The following IQSEC3 variants were observed in gnomAD, a reference collection of about 807,000 sequenced individuals.
IQSEC3 encodes IQ motif and SEC7 domain-containing protein 3.
IQSEC3 carries 50 observed loss-of-function variants against 105.4 expected under a neutral mutation model. That is an observed-to-expected ratio of 0.47 (90% CI 0.38 to 0.60). IQSEC3 has a LOEUF of 0.60. IQSEC3 is among the 20% of genes least tolerant of loss of function. IQSEC3 has a pLI of 0.00. For synonymous variants in IQSEC3, 708 were observed against 746.0 expected (o/e 0.95, Z 0.83); for missense variants, 1,415 against 1,630.0 (o/e 0.87, Z 2.27).
At position 133,461 on chromosome 12, in the gene IQSEC3, G is replaced by C. The variant is rs73603104; in HGVS notation, c.904-4806G>C. Among the ~76,000 whole-genome samples, 1,052 of 152,316 alleles carry C rather than the reference G, an allele frequency of 6.9e-3. 13 individuals are homozygous for C. Among genetic ancestry groups the C allele is most frequent in the African/African-American group, 0.024 (1,009 of 41,554 alleles). On this transcript the variant is annotated intron_variant, in intron 3 of 13. Transcript: ENST00000538872. The stretch of plus-strand genomic sequence containing the variant: ...AGGAGCCAGGAGGGAGGCTGAGGAG[G>C]CCCCTGGGGCTGAGTGACAAGCCCC...
At chr12:73,676 A>AAAAAAG (rs570849165) in intron 1 of IQSEC3, among the ~76,000 whole-genome samples, 2,712 of 151,474 alleles carry the variant, frequency 0.018, 15 homozygotes, top group Middle Eastern at 0.048. Context: ...TGACCCCAAA[A>AAAAAAG]AAAAAGAAAA....
intron 3 of IQSEC3, among the ~76,000 whole-genome samples, chr12:126,315 G>A (rs1294147360): frequency 2.0e-5 from 3 of 152,210 alleles, no homozygotes; most frequent in African/African-American, 7.2e-5. Context: ...GCACCCACAG[G>A]CACAAACGAG....
Position 138,967 on chromosome 12 carries a change from G to A in IQSEC3, c.1604G>A (p.Arg535Gln), listed in dbSNP as rs782343519. 1 of 1,549,568 alleles carries A rather than the reference G, an allele frequency of 6.5e-7. No homozygotes were observed. Among genetic ancestry groups the A allele is most frequent in the South Asian group, 1.2e-5 (1 of 85,304 alleles). Residue 535 changes from arginine (R) to glutamine (Q), a missense_variant, in exon 4 of 14, where the codon CGG becomes CAG. By Grantham distance (43) the Arg-to-Gln change is conservative (BLOSUM62 1). Coordinates refer to ENST00000538872, the MANE Select transcript of IQSEC3 (RefSeq NM_001170738.2). The surrounding 1 kb of genome is among the most constrained non-coding windows in gnomAD (Gnocchi z 7.1). ...GCCGAGCAGGGCGAGACCTCTGGGC[G>A]GGAGGCCCCGGAAGCCCCCGCCGTG... is the stretch of plus-strand genomic sequence containing the variant. ...GKAEQGETSG[R>Q]EAPEAPAVGR... is the part of the protein sequence containing the mutation.
At chr12:113,555 A>G (rs1864960819) in intron 2 of IQSEC3, among the ~76,000 whole-genome samples, 1 of 152,206 alleles carries the variant, frequency 6.6e-6, no homozygotes, top group African/African-American at 2.4e-5. Flanking sequence ...TGTGGTCACC[A>G]TGTTCCATGT....
rs115184339 is a variant in IQSEC3, at chr12:165,766, G to T, written c.2847G>T (p.Ser949=). 69 of 1,613,784 alleles carry T rather than the reference G, an allele frequency of 4.3e-5. No individual in the cohort carries two copies. The highest frequency in any genetic ancestry group is 5.3e-5 in the Non-Finnish European group (62 of 1,180,042). The change falls in exon 11 of 14, where the codon TCG becomes TCT. Residue 949 remains serine, a synonymous_variant. Coordinates refer to ENST00000538872, the MANE Select transcript of IQSEC3 (RefSeq NM_001170738.2). ...SHGITLVTPL[S]GSEKKQVLHF... is the part of the protein sequence containing the mutation. ...GCATCACACTGGTGACCCCGCTCTC[G>T]GGCTCCGAGAAGAAGCAGGTGCTGC...
intron 1 of IQSEC3, among the ~76,000 whole-genome samples, chr12:71,373 G>A (rs1328580682): frequency 1.3e-5 from 2 of 152,278 alleles, no homozygotes; most frequent in African/African-American, 4.8e-5. Flanking sequence ...TTGGAAAGAA[G>A]CAAATGGTCC....
At chr12:110,419 T>C (rs1267399549) in intron 2 of IQSEC3, among the ~76,000 whole-genome samples, 1 of 151,694 alleles carries the variant, frequency 6.6e-6, no homozygotes, top group Admixed American at 6.6e-5. Flanking sequence ...CTTCTCTTTT[T>C]ATTGTTGGAT....
rs116394670 is a variant in IQSEC3 at position 158,623 on chromosome 12, T to C, written c.2443+929T>C. ...TGCCAGTCCTTGAACTTCATCTAAA[T>C]AGAGCTATACAGTATTTATACTTTG... On this transcript the variant is annotated intron_variant, in intron 7 of 13. Transcript: ENST00000538872. Among the ~76,000 whole-genome samples, 169 of 152,374 alleles carry C rather than the reference T, an allele frequency of 1.1e-3. 1 individual carries two copies. Among genetic ancestry groups the C allele is most frequent in the African/African-American group, 3.9e-3 (164 of 41,596 alleles).
intron 3 of IQSEC3, among the ~76,000 whole-genome samples, chr12:132,740 T>C (rs1297700563): frequency 1.3e-5 from 2 of 151,898 alleles, no homozygotes; most frequent in African/African-American, 4.8e-5. Flanking sequence ...TTGGGTGAGG[T>C]AGGGAAAACA....
intron 5 of IQSEC3, 152 bp downstream of exon 5, chr12:141,437 C>A: frequency 1.3e-6 from 1 of 790,974 alleles, no homozygotes; most frequent in Non-Finnish European, 2.0e-6. Context: ...CCTCTTTAGC[C>A]CATCACCCCA....
chr12:155,549 T>C (rs1555093985), intron 5 of IQSEC3, among the ~76,000 whole-genome samples: 1 of 151,844 alleles, frequency 6.6e-6, no homozygotes, highest in Non-Finnish European at 1.5e-5. Flanking sequence ...GGAGGCGGAG[T>C]CCATGGACCA....
chr12:112,295 T>TG (rs1864916413), intron 2 of IQSEC3, among the ~76,000 whole-genome samples: 1 of 3,286 alleles, frequency 3.0e-4, no homozygotes, highest in Non-Finnish European at 5.8e-4. Flanking sequence ...AGTGGGGAAG[T>TG]GGGGGGAAGG....
In IQSEC3 at chr12:106,294, C is replaced by T. The variant is rs1350733118; in HGVS notation, c.623+7080C>T. 2.0e-5 allele frequency among the ~76,000 whole-genome samples: 3 copies of T among 152,178 alleles called. No homozygotes were observed. The East Asian group carries it at 5.8e-4, about 29-fold the overall frequency. On this transcript the variant is annotated intron_variant, in intron 2 of 13. Coordinates refer to ENST00000538872, the MANE Select transcript of IQSEC3 (RefSeq NM_001170738.2). The stretch of plus-strand genomic sequence containing the variant: ...TGTAACCACCAGGGCAGGAGGATAG[C>T]AGAAGGCAGGTGTTGTCAAGTATGG...
chr12:99,094 C>A, intron 1 of IQSEC3, 52 bp from the exon 2 acceptor site: 2 of 1,506,130 alleles, frequency 1.3e-6, no homozygotes, highest in African/African-American at 1.4e-5. Flanking sequence ...TCAGGCAGGG[C>A]GGGGACCCAG....
chr12:147,823 T>C (rs1218876319), intron 5 of IQSEC3: 1 of 152,158 alleles, frequency 6.6e-6, no homozygotes, highest in Non-Finnish European at 1.5e-5. Context: ...AGAAACTGAT[T>C]CGTAAGTCTC....
intron 2 of IQSEC3, among the ~76,000 whole-genome samples, chr12:101,881 C>T (rs374631197): frequency 2.6e-4 from 40 of 152,188 alleles, no homozygotes; most frequent in African/African-American, 1.9e-4. Flanking sequence ...ACCCTACCAA[C>T]GATTCCTTCA....
At chr12:140,973 T>G (rs1865996465) in intron 4 of IQSEC3, 151 bp from the exon 5 acceptor site, 2 of 728,350 alleles carry the variant, frequency 2.7e-6, no homozygotes, top group Non-Finnish European at 4.5e-6. Context: ...GTGAGGACAT[T>G]CAGTGGGTTG....
At chr12:164,587 G>C (rs1555097636) in intron 9 of IQSEC3, 1 of 151,954 alleles carries the variant, frequency 6.6e-6, no homozygotes, top group African/African-American at 2.4e-5. Context: ...TCCTTACCCT[G>C]TTTCATTTTC....
intron 1 of IQSEC3, among the ~76,000 whole-genome samples, chr12:84,319 A>G (rs1863846817): frequency 6.6e-6 from 1 of 152,226 alleles, no homozygotes; most frequent in Non-Finnish European, 1.5e-5. Context: ...TGAATGGTTT[A>G]CAGGTCCCCA....
Sources: allele counts gnomAD v4.1 joint callset (sites outside exome capture counted in the v4.1 genomes callset), GRCh38; gene constraint gnomAD v4.1.1; non-coding constraint Gnocchi (gnomAD v3.1); transcripts MANE v1.5; gene names NCBI Gene and HGNC (gene_info 2026-07-23, HGNC 2026-07-21).